MFN1: variants seen among roughly 807,000 people sequenced by gnomAD.
MFN1 encodes mitofusin 1, also known as mitofusin-1.
MFN1 carries 65 observed loss-of-function variants against 92.4 expected under a neutral mutation model. That is an observed-to-expected ratio of 0.70 (90% confidence interval 0.58 to 0.86). MFN1 has a LOEUF of 0.86. MFN1 is among the 40% of genes least tolerant of loss of function. The pLI is 0.00. For synonymous variants in MFN1, 297 were observed against 300.9 expected (o/e 0.99, Z 0.13); for missense variants, 781 against 868.0 (o/e 0.90, Z 1.26).
chr3:179,390,765 A>G (rs1337632993), intron 17 of MFN1, among the ~76,000 whole-genome samples: 2 of 152,166 alleles, frequency 1.3e-5, no homozygotes, highest in East Asian at 3.8e-4. Flanking sequence ...TGGAAGAACC[A>G]TTAAACCTCA....
At chr3:179,375,865 AC>A (rs1263863854) in intron 10 of MFN1, among the ~76,000 whole-genome samples, 1 of 152,202 alleles carries the variant, frequency 6.6e-6, no homozygotes, top group Non-Finnish European at 1.5e-5. Context: ...ATTATTTTAT[AC>A]TATTTGTTAC....
intron 16 of MFN1, among the ~76,000 whole-genome samples, chr3:179,388,073 G>C (rs529177131): frequency 1.3e-5 from 2 of 149,664 alleles, no homozygotes; most frequent in South Asian, 4.2e-4. Context: ...TTTTTTAGTA[G>C]AGCCAAGGTT....
At position 179,392,082 on chromosome 3, in the gene MFN1, C is replaced by A; in HGVS notation, c.*23C>A. 2 of 1,501,762 alleles carry A rather than the reference C, an allele frequency of 1.3e-6. No individual in the cohort carries two copies. The highest frequency in any genetic ancestry group is 9.2e-7 in the Non-Finnish European group (1 of 1,087,074). The allele number at this position is 1,501,762 out of a possible 1,614,324, so 93.0% of individuals were successfully genotyped here. On this transcript the variant is annotated 3_prime_UTR_variant, in exon 18 of 18. Transcript: ENST00000471841. ...TAACAATAGAGATTGCTTTGGTGAC[C>A]ATGATAGGAGGAAACGAAACTTGTA...
intron 9 of MFN1, among the ~76,000 whole-genome samples, chr3:179,372,382 T>C (rs1052336914): frequency 4.6e-5 from 7 of 152,004 alleles, no homozygotes; most frequent in African/African-American, 1.7e-4. Flanking sequence ...ATTATTAATG[T>C]ATGATTAGAG....
chr3:179,379,573 C>T (rs1448330108), intron 14 of MFN1, among the ~76,000 whole-genome samples: 2 of 152,098 alleles, frequency 1.3e-5, no homozygotes, highest in Non-Finnish European at 2.9e-5. Flanking sequence ...AGACTGGTCT[C>T]GAACTCCTGA....
intron 17 of MFN1, among the ~76,000 whole-genome samples, chr3:179,390,746 A>C (rs1352817533): frequency 1.3e-5 from 2 of 152,198 alleles, no homozygotes; most frequent in Non-Finnish European, 2.9e-5. Flanking sequence ...CTGGCTTGTC[A>C]GAATGTCTTG....
At chr3:179,364,529 G>T in intron 6 of MFN1, 124 bp downstream of exon 6, 1 of 704,138 alleles carries the variant, frequency 1.4e-6, no homozygotes, top group Non-Finnish European at 2.4e-6. Context: ...AGGCATGAAT[G>T]AAGGGGTTTG....
chr3:179,364,367 G>A lies in MFN1; in HGVS notation c.607G>A (p.Val203Ile), dbSNP rs369918632. The A allele has an allele frequency of 7.4e-6, 12 of 1,613,628 alleles. No individual in the cohort carries two copies. Among genetic ancestry groups the A allele is most frequent in the African/African-American group, 1.3e-5 (1 of 74,906 alleles). The change falls in exon 6 of 18, where the codon GTT becomes ATT. Residue 203 changes from valine to isoleucine, a missense_variant. Physicochemically the swap from Val to Ile is conservative, Grantham distance 29 (BLOSUM62 3). Transcript: ENST00000471841. ...DKFCLDADVF[V>I]LVANSESTLM... ...GTTTTGCCTAGATGCTGATGTCTTT[G>A]TTTTGGTCGCAAACTCTGAATCAAC...
At chr3:179,384,373 G>A (rs896683067) in intron 14 of MFN1, among the ~76,000 whole-genome samples, 1 of 152,062 alleles carries the variant, frequency 6.6e-6, no homozygotes, top group South Asian at 2.1e-4. Context: ...TTCGTTGTAG[G>A]TTTGATTTGC....
Position 179,365,121 on chromosome 3 carries a change from A to T in MFN1, c.649A>T (p.Lys217Ter), listed in dbSNP as rs981379228. The part of the protein sequence containing the change: ...NSESTLMNTE[K>*]HFFHKVNERL... ...TGGGGTTTTTTTTGTTTTTCAGGAA[A>T]AACACTTTTTTCACAAGGTGAATGA... Residue 217 changes from lysine (K) to a stop codon, truncating the protein, a stop_gained, in exon 7 of 18, where the codon AAA (lysine) becomes TAA (stop). Transcript: ENST00000471841. LOFTEE classifies it high-confidence loss of function. 6.5e-7 allele frequency: 1 copy of T among 1,529,264 alleles called. No homozygotes were observed. The highest frequency in any genetic ancestry group is 2.5e-5 in the Admixed American group (1 of 39,630). The allele number at this position is 1,529,264 out of a possible 1,614,324, so 94.7% of individuals were successfully genotyped here. A position where few individuals can be genotyped will look rare whatever the true frequency, so the allele number is the denominator to read the frequency against.
chr3:179,349,479 A>T (rs1034073880), intron 2 of MFN1, among the ~76,000 whole-genome samples: 1 of 151,914 alleles, frequency 6.6e-6, no homozygotes, highest in African/African-American at 2.4e-5. Context: ...GTTAAAGGTG[A>T]TGAGGAATGT....
At chr3:179,386,806 C>A (rs1282995541) in intron 16 of MFN1, among the ~76,000 whole-genome samples, 177 bp downstream of exon 16, 1 of 152,200 alleles carries the variant, frequency 6.6e-6, no homozygotes, top group Non-Finnish European at 1.5e-5. Context: ...GCCCTTTCTC[C>A]CTCCTAATCA....
chr3:179,389,068 A>G (rs1713801915), intron 16 of MFN1, among the ~76,000 whole-genome samples: 1 of 152,232 alleles, frequency 6.6e-6, no homozygotes, highest in African/African-American at 2.4e-5. Flanking sequence ...TGCAGATACA[A>G]AATCAAAGTC....
Position 179,366,904 on chromosome 3 carries a change from A to G in MFN1, c.754-535A>G, listed in dbSNP as rs555905202. Among the ~76,000 whole-genome samples, 8 of 152,304 alleles carry G rather than the reference A, an allele frequency of 5.3e-5. No individual in the cohort carries two copies. In the East Asian group the frequency reaches 1.5e-3, roughly 29 times the overall value. ...TGCAATTCTAATGCCTGGTTAATGC[A>G]TTCTACCCAACCTTAACTCCCCAAC... On this transcript the variant is annotated intron_variant, in intron 7 of 17. Transcript: ENST00000471841.
At chr3:179,378,167 T>TG (rs1713319155) in intron 12 of MFN1, 174 bp from the exon 13 acceptor site, 1 of 596,464 alleles carries the variant, frequency 1.7e-6, no homozygotes, top group South Asian at 2.1e-5. Context: ...AAGGCTACAG[T>TG]GAGTCAAGAT....
intron 10 of MFN1, 63 bp downstream of exon 10, chr3:179,375,404 G>A (rs929743687): frequency 1.4e-5 from 22 of 1,591,890 alleles, no homozygotes; most frequent in South Asian, 4.5e-5. Flanking sequence ...TTGTTAAGAT[G>A]AGGTTTTAAA....
intron 10 of MFN1, 81 bp downstream of exon 10, chr3:179,375,422 A>G (rs767113958): frequency 1.7e-5 from 26 of 1,523,874 alleles, no homozygotes; most frequent in Non-Finnish European, 2.3e-5. Context: ...AAATTGTTGT[A>G]CTATAAATAC....
At position 179,374,315 on chromosome 3, in the gene MFN1, C is replaced by CATATATAACATATATATGTAATAT. The variant is rs1713138679; in HGVS notation, c.976-888_976-865dup. Among the ~76,000 whole-genome samples, 3 of 60,194 alleles carry CATATATAACATATATATGTAATAT rather than the reference C, an allele frequency of 5.0e-5. No individual in the cohort carries two copies. In the Admixed American group the frequency reaches 5.9e-4, roughly 12 times the overall value. 39.5% of individuals were successfully genotyped at this position (60,194 alleles called of 152,430 possible). A position where few individuals can be genotyped will look rare whatever the true frequency, so the allele number is the denominator to read the frequency against. On this transcript the variant is annotated intron_variant, in intron 9 of 17. Transcript: ENST00000471841. Reference sequence around the variant, plus strand: ...AAGACTGTCAAAAATATATATATAACATATATAACATATATATGTAATATA... The same window carrying CATATATAACATATATATGTAATAT: ...AAGACTGTCAAAAATATATATATAACATATATAACATATATATGTAATATATATATAACATATATATGTAATATA...
intron 4 of MFN1, among the ~76,000 whole-genome samples, chr3:179,359,419 C>CTTTT (rs769518082): frequency 8.0e-6 from 1 of 124,798 alleles, no homozygotes; most frequent in Non-Finnish European, 1.7e-5. Flanking sequence ...TGCACCCGGC[C>CTTTT]TTTTTTTTTT....
Sources: allele counts gnomAD v4.1 joint callset (sites outside exome capture counted in the v4.1 genomes callset), GRCh38; gene constraint gnomAD v4.1.1; transcripts MANE v1.5; gene names NCBI Gene and HGNC (gene_info 2026-07-23, HGNC 2026-07-21).